PELI2: variants seen among roughly 807,000 people sequenced by gnomAD.
The protein encoded by PELI2 is E3 ubiquitin-protein ligase pellino homolog 2.
PELI2 carries 23 observed loss-of-function variants against 42.3 expected under a neutral mutation model. The observed-to-expected ratio is 0.54, with a 90% CI of 0.39 to 0.77. The LOEUF (loss-of-function observed/expected upper bound fraction) is 0.77, where lower values mean the gene tolerates loss of function less well. Ranked by LOEUF, PELI2 falls within the 30% of genes least tolerant of loss-of-function variation. The probability of loss-of-function intolerance (pLI) is 0.00; values close to 1 mark genes in which losing one functional copy is unlikely to be tolerated. For missense variants in PELI2, 463 were observed against 553.2 expected (o/e 0.84, Z 1.64); for synonymous variants, 245 against 212.2 (o/e 1.15, Z -1.34).
chr14:56,296,609 G>A lies in PELI2; in HGVS notation c.706G>A (p.Glu236Lys). 3 of 1,594,498 alleles carry A rather than the reference G, an allele frequency of 1.9e-6. No individual in the cohort carries two copies. The highest frequency in any genetic ancestry group is 2.6e-6 in the Non-Finnish European group (3 of 1,167,658). The change falls in exon 6 of 6, where the codon GAG (glutamate) becomes AAG (lysine). Residue 236 changes from glutamate to lysine, a missense_variant. This residue lies in a region of PELI2 where 343 missense variants were observed against 378.4 expected (regional missense o/e 0.91). Transcript: ENST00000267460. ...CTCAAACTTGTTGTAGGTGGAAAGT[G>A]AGACCAACGTCCTGCAGGACGGCTC... Reference protein sequence around the residue: ...AQQRGKLVESETNVLQDGSLI... With the variant: ...AQQRGKLVESKTNVLQDGSLI...
intron 2 of PELI2, among the ~76,000 whole-genome samples, chr14:56,270,518 A>C (rs1889065699): frequency 6.6e-6 from 1 of 152,224 alleles, no homozygotes; most frequent in African/African-American, 2.4e-5. Flanking sequence ...GCCTGACATA[A>C]TAGTCATTAG....
chr14:56,272,773 A>G (rs184563671), intron 2 of PELI2, among the ~76,000 whole-genome samples: 3 of 152,204 alleles, frequency 2.0e-5, no homozygotes, highest in Non-Finnish European at 4.4e-5. Flanking sequence ...ACCTCTTAAC[A>G]TACATTCAGG....
intron 2 of PELI2, among the ~76,000 whole-genome samples, chr14:56,223,228 C>T (rs947522041): frequency 6.6e-6 from 1 of 152,158 alleles, no homozygotes; most frequent in Non-Finnish European, 1.5e-5. Context: ...TTTCCTTAAC[C>T]GTAACTCCCT....
intron 2 of PELI2, among the ~76,000 whole-genome samples, chr14:56,238,633 T>G (rs1887876396): frequency 1.3e-5 from 2 of 152,222 alleles, no homozygotes; most frequent in Admixed American, 6.5e-5. Context: ...GTAGACTTAC[T>G]GTGATTTTAT....
At chr14:56,237,395 T>C (rs1245777200) in intron 2 of PELI2, among the ~76,000 whole-genome samples, 1 of 152,202 alleles carries the variant, frequency 6.6e-6, no homozygotes, top group Non-Finnish European at 1.5e-5. Context: ...CAGTATTCAC[T>C]TGTTCAGCAT....
intron 2 of PELI2, among the ~76,000 whole-genome samples, chr14:56,185,056 A>T (rs569410162): frequency 2.0e-5 from 3 of 151,854 alleles, no homozygotes; most frequent in African/African-American, 4.8e-5. Flanking sequence ...TTATATGGCT[A>T]TTTTTTTATT....
At chr14:56,248,205 T>C (rs1888226152) in intron 2 of PELI2, among the ~76,000 whole-genome samples, 3 of 152,216 alleles carry the variant, frequency 2.0e-5, no homozygotes, top group Admixed American at 2.0e-4. Context: ...TTTCAGCGTC[T>C]ACCATGCTGC....
Position 56,297,291 on chromosome 14 carries a change from G to T in PELI2, c.*125G>T. On this transcript the variant is annotated 3_prime_UTR_variant, in exon 6 of 6. Transcript: ENST00000267460. ...GGGTGACAGGGGCTGGAAATAAAGA[G>T]AGGGGACATGGTGATGAAACATGGC... The T allele has an allele frequency of 1.5e-6, 1 of 656,302 alleles. No homozygotes were observed. Among genetic ancestry groups the T allele is most frequent in the South Asian group, 1.9e-5 (1 of 53,708 alleles). The allele number at this position is 656,302 out of a possible 1,614,324, so 40.7% of individuals were successfully genotyped here.
chr14:56,193,228 G>A lies in PELI2; in HGVS notation c.207+14764G>A, dbSNP rs879361925. Among the ~76,000 whole-genome samples, 3 of 152,338 alleles carry A rather than the reference G, an allele frequency of 2.0e-5. No individual in the cohort carries two copies. The East Asian group carries it at 5.8e-4, about 29-fold the overall frequency. Reference sequence around the variant, plus strand: ...AGAGTTGGAGGCACATTTCAAGACCGTCTGTCCCCAGCCCAAGACAGAGGG... The same window carrying A: ...AGAGTTGGAGGCACATTTCAAGACCATCTGTCCCCAGCCCAAGACAGAGGG... On this transcript the variant is annotated intron_variant, in intron 2 of 5. Coordinates refer to ENST00000267460, the MANE Select transcript of PELI2 (RefSeq NM_021255.3).
chr14:56,225,785 CCCAGAACCACTGCACAG>C (rs1205439762), intron 2 of PELI2, among the ~76,000 whole-genome samples: 1 of 152,250 alleles, frequency 6.6e-6, no homozygotes, highest in Admixed American at 6.5e-5. Flanking sequence ...TAGGGGCAGC[CCCAGAACCACTGCACAG>C]CTGCCCTTCC....
intron 1 of PELI2, among the ~76,000 whole-genome samples, chr14:56,140,997 C>G (rs1352894795): frequency 6.6e-6 from 1 of 152,056 alleles, no homozygotes; most frequent in Non-Finnish European, 1.5e-5. Context: ...TTTAGTTGTC[C>G]TGTCTGCTGA....
intron 2 of PELI2, among the ~76,000 whole-genome samples, chr14:56,192,177 G>C (rs939648508): frequency 6.6e-6 from 1 of 152,184 alleles, no homozygotes; most frequent in African/African-American, 2.4e-5. Context: ...TTTGATTAAT[G>C]AGAAGTTACT....
intron 2 of PELI2, among the ~76,000 whole-genome samples, chr14:56,250,381 G>C (rs1888303846): frequency 6.6e-6 from 1 of 152,140 alleles, no homozygotes; most frequent in Non-Finnish European, 1.5e-5. Context: ...AGATGAAAGG[G>C]AGTTTATTAG....
At chr14:56,123,180 T>C (rs1268124055) in intron 1 of PELI2, among the ~76,000 whole-genome samples, 1 of 151,212 alleles carries the variant, frequency 6.6e-6, no homozygotes, top group Non-Finnish European at 1.5e-5. Flanking sequence ...TTATGGTCTT[T>C]TTTTTTTTTT....
chr14:56,234,964 A>G (rs1030264121), intron 2 of PELI2, among the ~76,000 whole-genome samples: 5 of 152,150 alleles, frequency 3.3e-5, no homozygotes, highest in East Asian at 1.9e-4. Flanking sequence ...GATCTTCCCA[A>G]CAGAGCTTTG....
At position 56,197,938 on chromosome 14, in the gene PELI2, C is replaced by T. The variant is rs1236951362; in HGVS notation, c.207+19474C>T. ...GAAGACACACACACACACACACACA[C>T]ACACACACACCAGGGATCATGACTG... On this transcript the variant is annotated intron_variant, in intron 2 of 5. Coordinates refer to ENST00000267460, the MANE Select transcript of PELI2 (RefSeq NM_021255.3). This position sits in a 1 kb window ranked among gnomAD's most constrained non-coding sequence, Gnocchi z 4.9. Among the ~76,000 whole-genome samples the T allele has an allele frequency of 6.7e-6, 1 of 148,928 alleles. No individual in the cohort carries two copies. The highest frequency in any genetic ancestry group is 1.5e-5 in the Non-Finnish European group (1 of 67,058).
chr14:56,245,010 G>A (rs114367666), intron 2 of PELI2, among the ~76,000 whole-genome samples: 2,135 of 152,296 alleles, frequency 0.014, 58 homozygotes, highest in African/African-American at 0.049. Context: ...AAGCATAAAT[G>A]TTGGGCATAT....
At chr14:56,206,767 T>C (rs1886533116) in intron 2 of PELI2, among the ~76,000 whole-genome samples, 1 of 152,182 alleles carries the variant, frequency 6.6e-6, no homozygotes, top group Non-Finnish European at 1.5e-5. Flanking sequence ...AATTTTCCTC[T>C]TGGTTTATGG....
At chr14:56,138,442 G>A (rs951991339) in intron 1 of PELI2, among the ~76,000 whole-genome samples, 2 of 151,372 alleles carry the variant, frequency 1.3e-5, no homozygotes, top group African/African-American at 4.9e-5. Flanking sequence ...TTTAATCAAA[G>A]TACAGGTGAT....
Sources: allele counts gnomAD v4.1 joint callset (sites outside exome capture counted in the v4.1 genomes callset), GRCh38; gene constraint gnomAD v4.1.1; regional missense constraint gnomAD v4.1.1; non-coding constraint Gnocchi (gnomAD v3.1); transcripts MANE v1.5; gene names NCBI Gene and HGNC (gene_info 2026-07-23, HGNC 2026-07-21).